RREB1: variants seen among roughly 807,000 people sequenced by gnomAD.
The protein encoded by RREB1 is ras-responsive element-binding protein 1.
Under a neutral mutation model 117.8 loss-of-function variants are expected in RREB1, and 27 were observed. The ratio of observed to expected loss-of-function variants is 0.23; its 90% CI spans 0.17 to 0.32. The LOEUF (loss-of-function observed/expected upper bound fraction) is 0.32, where lower values mean the gene tolerates loss of function less well. Ranked by LOEUF, RREB1 falls within the 10% of genes least tolerant of loss-of-function variation. The pLI is 1.00. For synonymous variants in RREB1, 1,298 were observed against 1,026.7 expected, an observed-to-expected ratio of 1.26 and a Z score of -5.05; for missense variants, 2,577 against 2,378.2, an observed-to-expected ratio of 1.08 and a Z score of -1.74.
chr6:7,236,557 C>T (rs1768331497), intron 10 of RREB1, among the ~76,000 whole-genome samples: 1 of 152,102 alleles, frequency 6.6e-6, no homozygotes, highest in Non-Finnish European at 1.5e-5. Flanking sequence ...AGAGAAAATA[C>T]CAAAAGAAAG....
At chr6:7,188,373 C>T (rs1255490349) in intron 5 of RREB1, among the ~76,000 whole-genome samples, 6 of 151,964 alleles carry the variant, frequency 3.9e-5, no homozygotes, top group Non-Finnish European at 8.8e-5. Context: ...GCCTTAGCTT[C>T]CCAAGTAGCT....
At chr6:7,180,747 T>C (rs903972477) in intron 2 of RREB1, among the ~76,000 whole-genome samples, 1 of 152,264 alleles carries the variant, frequency 6.6e-6, no homozygotes, top group Non-Finnish European at 1.5e-5. Context: ...TGAACTGTTT[T>C]GTCTTTGGTC....
chr6:7,133,178 C>T (rs540696616), intron 1 of RREB1, among the ~76,000 whole-genome samples: 1 of 152,220 alleles, frequency 6.6e-6, no homozygotes, highest in Non-Finnish European at 1.5e-5. Context: ...CCTTAGCTTA[C>T]AGGTGAGGAA....
chr6:7,162,237 T>C (rs1336373100), intron 1 of RREB1, among the ~76,000 whole-genome samples: 1 of 152,066 alleles, frequency 6.6e-6, no homozygotes, highest in Non-Finnish European at 1.5e-5. Context: ...TACCATCTAC[T>C]GTCTTTATCT....
chr6:7,123,173 T>C (rs1241092045), intron 1 of RREB1, among the ~76,000 whole-genome samples: 1 of 152,088 alleles, frequency 6.6e-6, no homozygotes, highest in Non-Finnish European at 1.5e-5. Context: ...TTTTTTTTTT[T>C]TGGAGACAGA....
chr6:7,241,797 G>A (rs993863572), intron 11 of RREB1, among the ~76,000 whole-genome samples: 8 of 152,162 alleles, frequency 5.3e-5, no homozygotes, highest in African/African-American at 4.8e-5. Context: ...ATCCTCTGAG[G>A]GTATGAAAGG....
intron 1 of RREB1, among the ~76,000 whole-genome samples, chr6:7,161,718 C>G (rs541324726): frequency 6.6e-6 from 1 of 152,328 alleles, no homozygotes; most frequent in Admixed American, 6.5e-5. Flanking sequence ...GCTCTTTACT[C>G]TCTCCTGTCC....
intron 1 of RREB1, among the ~76,000 whole-genome samples, chr6:7,135,310 G>C (rs769381993): frequency 6.6e-6 from 1 of 152,160 alleles, no homozygotes; most frequent in Non-Finnish European, 1.5e-5. Flanking sequence ...ACCTTTGTAA[G>C]GATGGAAGCT....
chr6:7,125,930 C>T (rs978254131), intron 1 of RREB1, among the ~76,000 whole-genome samples: 5 of 152,140 alleles, frequency 3.3e-5, no homozygotes, highest in African/African-American at 4.8e-5. Context: ...TACTGAATTA[C>T]GGTAAGTACT....
At chr6:7,139,029 C>G (rs941086847) in intron 1 of RREB1, among the ~76,000 whole-genome samples, 2 of 152,190 alleles carry the variant, frequency 1.3e-5, no homozygotes, top group African/African-American at 2.4e-5. Flanking sequence ...TAGTACTGAA[C>G]TACTTTTTCG....
intron 1 of RREB1, among the ~76,000 whole-genome samples, chr6:7,131,148 G>A (rs879430764): frequency 1.0e-3 from 151 of 144,736 alleles, no homozygotes; most frequent in Non-Finnish European, 1.6e-3. Context: ...CTGTGGTCTC[G>A]ATCTCCTGAC....
intron 2 of RREB1, among the ~76,000 whole-genome samples, chr6:7,177,218 CAAAAAA>C (rs552706086): frequency 8.6e-5 from 3 of 34,922 alleles, no homozygotes; most frequent in Non-Finnish European, 1.3e-4. Flanking sequence ...GACTGTCTCA[CAAAAAA>C]AAAAAAAAAA....
At chr6:7,184,274 A>AT (rs144526626) in intron 4 of RREB1, among the ~76,000 whole-genome samples, 4,022 of 150,404 alleles carry the variant, frequency 0.027, 169 homozygotes, top group African/African-American at 0.092. Flanking sequence ...TATTATTATT[A>AT]TTTTTTTTAT....
At chr6:7,182,985 C>G (rs1764883624) in intron 4 of RREB1, 2 of 152,140 alleles carry the variant, frequency 1.3e-5, no homozygotes. Context: ...TGTCCTTATA[C>G]AGAATTCTCT....
chr6:7,220,795 C>G (rs970311964), intron 8 of RREB1, among the ~76,000 whole-genome samples: 1 of 152,222 alleles, frequency 6.6e-6, no homozygotes, highest in African/African-American at 2.4e-5. Context: ...TCTTTATGAG[C>G]CCCTGGCAGA....
In RREB1 at chr6:7,134,199, A is replaced by G. The variant is rs907789509; in HGVS notation, c.-285+26139A>G. ...TCATCAGAAATTTATTTTAAAGAGAAAAATACTGAACTGACAAAATGTGTG... is the reference window on the plus strand; with the variant it reads ...TCATCAGAAATTTATTTTAAAGAGAGAAATACTGAACTGACAAAATGTGTG... On this transcript the variant is annotated intron_variant, in intron 1 of 12. Transcript: ENST00000379938. Among the ~76,000 whole-genome samples the G allele has an allele frequency of 5.9e-5, 9 of 152,376 alleles. No homozygotes were observed. In the South Asian group the frequency reaches 1.4e-3, roughly 25 times the overall value.
intron 8 of RREB1, among the ~76,000 whole-genome samples, chr6:7,225,823 A>G (rs778361954): frequency 1.3e-5 from 2 of 152,170 alleles, no homozygotes; most frequent in East Asian, 1.9e-4. Context: ...GATGAGGGTC[A>G]TGATACGCAC....
chr6:7,163,045 G>A (rs1253485849), intron 1 of RREB1, among the ~76,000 whole-genome samples: 2 of 152,028 alleles, frequency 1.3e-5, no homozygotes, highest in African/African-American at 4.8e-5. Context: ...TCCATTAAAA[G>A]TGAATCTTGA....
At position 7,238,939 on chromosome 6, in the gene RREB1, G is replaced by A. The variant is rs1463640334; in HGVS notation, c.3809-1499G>A. On this transcript the variant is annotated intron_variant, in intron 10 of 12. Coordinates refer to ENST00000379938, the MANE Select transcript of RREB1 (RefSeq NM_001003699.4). Reference sequence around the variant, plus strand: ...ATTGTGGCCATGCTGTCATGGGGGCGGTGCCAGGTCCACACCTTCAGGCTC... The same window carrying A: ...ATTGTGGCCATGCTGTCATGGGGGCAGTGCCAGGTCCACACCTTCAGGCTC... Among the ~76,000 whole-genome samples the A allele has an allele frequency of 3.9e-5, 6 of 152,184 alleles. 1 individual carries two copies. Among genetic ancestry groups the A allele is most frequent in the South Asian group, 2.1e-4 (1 of 4,824 alleles).
Sources: gnomAD v4.1 joint callset for allele counts (sites outside exome capture counted in the v4.1 genomes callset) on GRCh38, gnomAD v4.1.1 for gene constraint, MANE v1.5 for transcripts, NCBI Gene and HGNC (gene_info 2026-07-23, HGNC 2026-07-21) for gene names.